Variants in COL15A1 observed in about 807,000 individuals in gnomAD.
COL15A1 encodes the protein collagen type XV alpha 1 chain, also known as collagen alpha-1(XV) chain.
A neutral mutation model predicts 165.9 loss-of-function variants in COL15A1; 111 were observed. That is an observed-to-expected ratio of 0.67 (90% CI 0.57 to 0.78). The LOEUF (loss-of-function observed/expected upper bound fraction) is 0.78. Ranked by LOEUF, COL15A1 falls within the 30% of genes least tolerant of loss-of-function variation. COL15A1 has a pLI of 0.00. For missense variants in COL15A1, 1,745 were observed against 1,789.7 expected (o/e 0.98, Z 0.45); for synonymous variants, 659 against 674.8 (o/e 0.98, Z 0.36).
chr9:99,070,051 G>T lies in COL15A1; in HGVS notation c.*165G>T. 1 of 599,996 alleles carries T rather than the reference G, an allele frequency of 1.7e-6. No homozygotes were observed. Among genetic ancestry groups the T allele is most frequent in the Non-Finnish European group, 2.8e-6 (1 of 350,906 alleles). 37.2% of individuals were successfully genotyped at this position (599,996 alleles called of 1,614,324 possible). On this transcript the variant is annotated 3_prime_UTR_variant, in exon 42 of 42. Coordinates refer to ENST00000375001, the MANE Select transcript of COL15A1 (RefSeq NM_001855.5). ...AACATACCTCAATACACTCAAAACT[G>T]AAGACATAGAGGACTCAGATCAAAG...
chr9:99,018,973 A>AAGAG (rs371946808), intron 11 of COL15A1, among the ~76,000 whole-genome samples: 2 of 150,360 alleles, frequency 1.3e-5, no homozygotes, highest in African/African-American at 4.9e-5. Flanking sequence ...TCTGAGAAGG[A>AAGAG]AGAGAGAGAG....
chr9:98,962,749 T>C (rs1837883728), intron 2 of COL15A1, among the ~76,000 whole-genome samples: 1 of 152,208 alleles, frequency 6.6e-6, no homozygotes, highest in African/African-American at 2.4e-5. Context: ...ATGGACATTT[T>C]CTGTCTACAG....
Position 98,943,978 on chromosome 9 carries a change from G to T in COL15A1, c.-84G>T, listed in dbSNP as rs1425467606. On this transcript the variant is annotated 5_prime_UTR_variant, in exon 1 of 42. Coordinates refer to ENST00000375001, the MANE Select transcript of COL15A1 (RefSeq NM_001855.5). ...AGGAAGGGCGAGCGCGGCGGCCAGCGCTCAGCGACCCTTCGTCCTCCGCTA... is the reference window on the plus strand; with the variant it reads ...AGGAAGGGCGAGCGCGGCGGCCAGCTCTCAGCGACCCTTCGTCCTCCGCTA... 2 of 1,575,474 alleles carry T rather than the reference G, an allele frequency of 1.3e-6. No individual in the cohort carries two copies. The highest frequency in any genetic ancestry group is 3.4e-5 in the Admixed American group (2 of 58,508).
intron 11 of COL15A1, 119 bp from the exon 12 acceptor site, chr9:99,020,270 G>C: frequency 1.3e-6 from 1 of 757,448 alleles, no homozygotes; most frequent in Non-Finnish European, 2.4e-6. Context: ...CTTCAGCCCA[G>C]TACAAGCCCT....
At chr9:99,035,275 C>T (rs746074769) in intron 18 of COL15A1, 75 bp from the exon 19 acceptor site, 41 of 1,608,466 alleles carry the variant, frequency 2.5e-5, no homozygotes, top group Non-Finnish European at 3.3e-5. Flanking sequence ...GAGCCGCCAG[C>T]TTCCAACACC....
Position 99,069,981 on chromosome 9 carries a change from G to GT in COL15A1, c.*107dup, listed in dbSNP as rs56314221. On this transcript the variant is annotated 3_prime_UTR_variant, in exon 42 of 42. Coordinates refer to ENST00000375001, the MANE Select transcript of COL15A1 (RefSeq NM_001855.5). Reference sequence around the variant, plus strand: ...ATGTTTAATTGTTGTAAATATTACAGTTTTTTTTTTTTACTACATATTCTT... The same window carrying GT: ...ATGTTTAATTGTTGTAAATATTACAGTTTTTTTTTTTTTACTACATATTCTT... 386,068 of 781,812 alleles carry GT rather than the reference G, an allele frequency of 0.49. 50,431 individuals are homozygous for GT. Among genetic ancestry groups the GT allele is most frequent in the African/African-American group, 0.58 (32,221 of 55,948 alleles). The allele number at this position is 781,812 out of a possible 1,614,324, so 48.4% of individuals were successfully genotyped here.
chr9:98,957,810 C>T (rs530759848), intron 2 of COL15A1, among the ~76,000 whole-genome samples: 2 of 152,224 alleles, frequency 1.3e-5, no homozygotes, highest in East Asian at 1.9e-4. Context: ...TCTCAAGTAG[C>T]TGGGACTGCA....
At chr9:98,947,491 A>C (rs1265573818) in intron 2 of COL15A1, among the ~76,000 whole-genome samples, 9 of 152,216 alleles carry the variant, frequency 5.9e-5, no homozygotes, top group Non-Finnish European at 1.2e-4. Context: ...TATACATTTA[A>C]AATGGGTGAA....
intron 5 of COL15A1, among the ~76,000 whole-genome samples, chr9:98,992,145 C>T (rs567377661): frequency 1.6e-4 from 24 of 152,376 alleles, no homozygotes; most frequent in South Asian, 4.1e-4. Context: ...TGGGAACAGC[C>T]GCCGCAGAGC....
intron 2 of COL15A1, among the ~76,000 whole-genome samples, chr9:98,973,070 A>G (rs1838086874): frequency 6.6e-6 from 1 of 152,206 alleles, no homozygotes; most frequent in African/African-American, 2.4e-5. Context: ...GAAACAGAAG[A>G]GGATACTGGA....
At chr9:98,988,408 A>G (rs180695428) in intron 4 of COL15A1, among the ~76,000 whole-genome samples, 69 of 152,224 alleles carry the variant, frequency 4.5e-4, no homozygotes, top group Non-Finnish European at 9.1e-4. Flanking sequence ...AAATCACAGC[A>G]CTCGGGCTCC....
At position 98,997,046 on chromosome 9, in the gene COL15A1, A is replaced by T. The variant is rs771327894; in HGVS notation, c.917A>T (p.Asn306Ile). The T allele has an allele frequency of 3.1e-6, 5 of 1,614,228 alleles. No homozygotes were observed. In the South Asian group the frequency reaches 4.4e-5, roughly 14 times the overall value. ...PVPEGTLETTNMSIIQHSSPK... is the reference protein window; with the variant it reads ...PVPEGTLETTIMSIIQHSSPK... The stretch of plus-strand genomic sequence containing the variant: ...CCCGAGGGGACCCTGGAAACCACCA[A>T]CATGAGCATCATCCAGCACAGCAGC... The change falls in exon 6 of 42, where the codon AAC (asparagine) becomes ATC (isoleucine). Residue 306 changes from asparagine to isoleucine, a missense_variant. By Grantham distance (149) the Asn-to-Ile change is moderately radical. Transcript: ENST00000375001.
At chr9:98,963,463 T>C (rs1837897494) in intron 2 of COL15A1, among the ~76,000 whole-genome samples, 1 of 152,196 alleles carries the variant, frequency 6.6e-6, no homozygotes, top group Non-Finnish European at 1.5e-5. Context: ...ACAGGTTCCT[T>C]GTTCTAGAAC....
At chr9:99,039,785 T>A (rs3780619) in intron 22 of COL15A1, among the ~76,000 whole-genome samples, 2,332 of 152,280 alleles carry the variant, frequency 0.015, 99 homozygotes, top group East Asian at 0.13. Context: ...AGGCAACTTG[T>A]AAGAAGTGAG....
Position 98,989,134 on chromosome 9 carries a change from C to T in COL15A1, c.724-44C>T, listed in dbSNP as rs1208083016. 2.6e-6 allele frequency: 4 copies of T among 1,511,252 alleles called. No homozygotes were observed. The African/African-American group carries it at 5.5e-5, about 21-fold the overall frequency. The allele number at this position is 1,511,252 out of a possible 1,614,324, so 93.6% of individuals were successfully genotyped here. Reference sequence around the variant, plus strand: ...CCCAGTCATCCAACTCTTATGGGCCCTGCCCGCTCTGCCCGGTGTGTGGCA... The same window carrying T: ...CCCAGTCATCCAACTCTTATGGGCCTTGCCCGCTCTGCCCGGTGTGTGGCA... On this transcript the variant is annotated intron_variant, in intron 4 of 41. Transcript: ENST00000375001.
At chr9:99,037,838 G>A (rs1402538861) in intron 21 of COL15A1, among the ~76,000 whole-genome samples, 1 of 152,214 alleles carries the variant, frequency 6.6e-6, no homozygotes, top group African/African-American at 2.4e-5. Context: ...CTAGTGTCAG[G>A]GATGCCCTGA....
At chr9:99,051,978 C>A (rs1473401340) in intron 30 of COL15A1, among the ~76,000 whole-genome samples, 1 of 152,210 alleles carries the variant, frequency 6.6e-6, no homozygotes, top group African/African-American at 2.4e-5. Flanking sequence ...ATGGCTGACC[C>A]GGTTTCACGG....
intron 2 of COL15A1, among the ~76,000 whole-genome samples, chr9:98,968,325 A>G (rs1035967154): frequency 6.6e-6 from 1 of 152,230 alleles, no homozygotes; most frequent in Non-Finnish European, 1.5e-5. Flanking sequence ...GGCTTAAAAC[A>G]GTAGTAACTT....
intron 5 of COL15A1, among the ~76,000 whole-genome samples, chr9:98,993,276 G>T (rs968823682): frequency 6.6e-6 from 1 of 152,216 alleles, no homozygotes; most frequent in African/African-American, 2.4e-5. Flanking sequence ...ATTAAGGGAG[G>T]TGATGTGATG....
Sources: allele counts gnomAD v4.1 joint callset (sites outside exome capture counted in the v4.1 genomes callset), GRCh38; gene constraint gnomAD v4.1.1; transcripts MANE v1.5; gene names NCBI Gene and HGNC (gene_info 2026-07-23, HGNC 2026-07-21).